FBXO40: variants seen among roughly 807,000 people sequenced by gnomAD.
FBXO40 encodes the protein F-box protein 40.
A neutral mutation model predicts 49.9 loss-of-function variants in FBXO40; 50 were observed. The observed-to-expected ratio is 1.00, with a 90% CI of 0.80 to 1.27. The LOEUF is 1.27. Ranked by LOEUF, FBXO40 falls within the 50% of genes most tolerant of loss-of-function variation. The probability of loss-of-function intolerance (pLI) is 0.00; values close to 1 mark genes in which losing one functional copy is unlikely to be tolerated. For synonymous variants in FBXO40, 340 were observed against 320.2 expected (o/e 1.06, Z -0.66); for missense variants, 895 against 870.1 (o/e 1.03, Z -0.36).
chr3:121,611,526 G>A (rs963426651), intron 1 of FBXO40, among the ~76,000 whole-genome samples: 67 of 152,308 alleles, frequency 4.4e-4, no homozygotes, highest in African/African-American at 1.5e-3. Context: ...TCCCACCATA[G>A]GGTGGTTTTT....
At chr3:121,619,128 T>A (rs532441624) in intron 1 of FBXO40, among the ~76,000 whole-genome samples, 20 of 152,050 alleles carry the variant, frequency 1.3e-4, no homozygotes, top group African/African-American at 4.8e-4. Flanking sequence ...CACTCTCAAG[T>A]AGCTGGGACC....
chr3:121,617,396 C>G (rs988520699), intron 1 of FBXO40, among the ~76,000 whole-genome samples: 1 of 150,392 alleles, frequency 6.6e-6, no homozygotes, highest in Admixed American at 6.6e-5. Context: ...GAGATCGAGA[C>G]CATCCTGGAC....
At chr3:121,623,991 T>TTC (rs1305419529) in intron 3 of FBXO40, among the ~76,000 whole-genome samples, 1 of 129,628 alleles carries the variant, frequency 7.7e-6, no homozygotes, top group African/African-American at 2.9e-5. Context: ...CCTGGCCTTT[T>TTC]TTTTTTTTTT....
At chr3:121,618,459 T>C (rs2049011044) in intron 1 of FBXO40, among the ~76,000 whole-genome samples, 1 of 151,244 alleles carries the variant, frequency 6.6e-6, no homozygotes, top group South Asian at 2.1e-4. Flanking sequence ...TGATCTCGAT[T>C]CACTGCAACC....
At chr3:121,615,736 A>G (rs2048994251) in intron 1 of FBXO40, among the ~76,000 whole-genome samples, 1 of 152,130 alleles carries the variant, frequency 6.6e-6, no homozygotes, top group South Asian at 2.1e-4. Flanking sequence ...TTTAAGTAAA[A>G]AGGGCTGCAC....
chr3:121,595,622 T>G (rs2048867685), intron 1 of FBXO40, among the ~76,000 whole-genome samples: 1 of 152,230 alleles, frequency 6.6e-6, no homozygotes, highest in Non-Finnish European at 1.5e-5. Context: ...GTGAAGGTAC[T>G]GGAATCGCAG....
At position 121,627,863 on chromosome 3, in the gene FBXO40, C is replaced by T. The variant is rs1335069989; in HGVS notation, c.*953C>T. 5.0e-6 allele frequency: 2 copies of T among 398,638 alleles called. No homozygotes were observed. Among genetic ancestry groups the T allele is most frequent in the South Asian group, 1.3e-4 (1 of 7,866 alleles). 24.7% of individuals were successfully genotyped at this position (398,638 alleles called of 1,614,324 possible). ...GGGAGATCACACCTTTGGCAAAGTCCAGACAAGGCCCACTGCAGTTCCTAT... is the reference window on the plus strand; with the variant it reads ...GGGAGATCACACCTTTGGCAAAGTCTAGACAAGGCCCACTGCAGTTCCTAT... On this transcript the variant is annotated 3_prime_UTR_variant, in exon 4 of 4. Coordinates refer to ENST00000338040, the MANE Select transcript of FBXO40 (RefSeq NM_016298.4).
chr3:121,621,888 T>C lies in FBXO40; in HGVS notation c.459T>C (p.Ala153=), dbSNP rs938025587. 1 of 1,614,034 alleles carries C rather than the reference T, an allele frequency of 6.2e-7. No homozygotes were observed. Among genetic ancestry groups the C allele is most frequent in the African/African-American group, 1.3e-5 (1 of 74,924 alleles). ...MVELFPETRE[A]TEEEPTMNGE... is the part of the protein sequence containing the mutation. Reference sequence around the variant, plus strand: ...AACTTTTCCCAGAAACTAGAGAGGCTACTGAGGAGGAACCAACTATGAATG... The same window carrying C: ...AACTTTTCCCAGAAACTAGAGAGGCCACTGAGGAGGAACCAACTATGAATG... Residue 153 remains alanine (A), a synonymous_variant, in exon 3 of 4, where the codon GCT becomes GCC. Coordinates refer to ENST00000338040, the MANE Select transcript of FBXO40 (RefSeq NM_016298.4).
chr3:121,599,724 A>ATAT (rs1426456952), intron 1 of FBXO40, among the ~76,000 whole-genome samples: 4 of 97,180 alleles, frequency 4.1e-5, no homozygotes, highest in East Asian at 2.8e-4. Flanking sequence ...ATATATATAT[A>ATAT]TTTTTTTTTT....
At chr3:121,615,689 T>C (rs574703588) in intron 1 of FBXO40, among the ~76,000 whole-genome samples, 2 of 152,158 alleles carry the variant, frequency 1.3e-5, no homozygotes, top group Non-Finnish European at 2.9e-5. Flanking sequence ...TTGAACACCA[T>C]CAATCTTTTA....
rs1333153022 is a variant in FBXO40 at position 121,630,089 on chromosome 3, C to G, written c.*3179C>G. 1.3e-5 allele frequency: 2 copies of G among 152,202 alleles called. No individual in the cohort carries two copies. The highest frequency in any genetic ancestry group is 2.9e-5 in the Non-Finnish European group (2 of 68,048). The allele number at this position is 152,202 out of a possible 1,614,324, so 9.4% of individuals were successfully genotyped here. ...GCATAAGGGTCTGGAAAAGAAGTTT[C>G]TATCTCACAACAAAGGAAAAAGTGA... On this transcript the variant is annotated 3_prime_UTR_variant, in exon 4 of 4. Coordinates refer to ENST00000338040, the MANE Select transcript of FBXO40 (RefSeq NM_016298.4).
At position 121,622,655 on chromosome 3, in the gene FBXO40, A is replaced by G. The variant is rs1165566698; in HGVS notation, c.1226A>G (p.Lys409Arg). ...CAGTGTGCTTTGGAAAGAGAACTCA[A>G]AGGCCACGTCATCTCTGAATCCAGA... ...TLQCALEREL[K>R]GHVISESRSI... Residue 409 changes from lysine to arginine, a missense_variant, in exon 3 of 4, where the codon AAA (lysine) becomes AGA (arginine). Physicochemically the swap from Lys to Arg is conservative, Grantham distance 26. Transcript: ENST00000338040. The G allele has an allele frequency of 1.2e-6, 2 of 1,614,190 alleles. No individual in the cohort carries two copies. The highest frequency in any genetic ancestry group is 1.7e-6 in the Non-Finnish European group (2 of 1,180,022).
At chr3:121,623,443 G>GCACCAC in intron 3 of FBXO40, 100 bp downstream of exon 3, 1 of 977,130 alleles carries the variant, frequency 1.0e-6, no homozygotes, top group Non-Finnish European at 1.5e-6. Context: ...AAGTGCAGTG[G>GCACCAC]TGCAATCACA....
At chr3:121,617,370 C>T (rs1452497524) in intron 1 of FBXO40, among the ~76,000 whole-genome samples, 9 of 151,816 alleles carry the variant, frequency 5.9e-5, no homozygotes, top group Admixed American at 3.3e-4. Context: ...CTGAGGCGGG[C>T]GGATCACGAG....
intron 1 of FBXO40, among the ~76,000 whole-genome samples, chr3:121,616,529 T>C (rs1486536231): frequency 1.3e-5 from 2 of 152,198 alleles, no homozygotes; most frequent in Non-Finnish European, 2.9e-5. Context: ...GCATTTTGAT[T>C]AAATTTAAAT....
intron 3 of FBXO40, among the ~76,000 whole-genome samples, chr3:121,623,633 C>G (rs1358808670): frequency 6.6e-6 from 1 of 151,338 alleles, no homozygotes; most frequent in Non-Finnish European, 1.5e-5. Flanking sequence ...TCCAAAAGTG[C>G]TGAAATTACA....
Position 121,598,754 on chromosome 3 carries a change from A to G in FBXO40, c.-31+5252A>G, listed in dbSNP as rs2048885774. Among the ~76,000 whole-genome samples the G allele has an allele frequency of 2.0e-5, 3 of 152,148 alleles. No homozygotes were observed. The South Asian group carries it at 6.2e-4, about 31-fold the overall frequency. Reference sequence around the variant, plus strand: ...GTCAAGGCCTTCCCACCTAATTGGCAATCCTCCCACCTTGGTCTCCCACAG... The same window carrying G: ...GTCAAGGCCTTCCCACCTAATTGGCGATCCTCCCACCTTGGTCTCCCACAG... On this transcript the variant is annotated intron_variant, in intron 1 of 3. Transcript: ENST00000338040.
intron 1 of FBXO40, 76 bp from the exon 2 acceptor site, chr3:121,620,470 G>A: frequency 7.6e-7 from 1 of 1,317,192 alleles, no homozygotes; most frequent in Non-Finnish European, 1.1e-6. Context: ...AGTGTGTGAA[G>A]TCTCTTTAGC....
At chr3:121,625,548 G>A (rs945010402) in intron 3 of FBXO40, among the ~76,000 whole-genome samples, 1 of 152,170 alleles carries the variant, frequency 6.6e-6, no homozygotes, top group African/African-American at 2.4e-5. Flanking sequence ...GCACGTATTA[G>A]GAAGAAACAT....
Sources: gnomAD v4.1 joint callset for allele counts (sites outside exome capture counted in the v4.1 genomes callset) on GRCh38, gnomAD v4.1.1 for gene constraint, MANE v1.5 for transcripts, NCBI Gene and HGNC (gene_info 2026-07-23, HGNC 2026-07-21) for gene names.